SRRM1: variants seen among roughly 807,000 people sequenced by gnomAD.
SRRM1 encodes the protein serine and arginine repetitive matrix 1.
SRRM1 carries 19 observed loss-of-function variants against 110.2 expected under a neutral mutation model. The ratio of observed to expected loss-of-function variants is 0.17; its 90% CI spans 0.12 to 0.25. The LOEUF is 0.25. Among genes scored for constraint, SRRM1 ranks in the 10% least tolerant of loss-of-function variants. SRRM1 has a pLI of 1.00. For synonymous variants in SRRM1, 443 were observed against 414.9 expected, an observed-to-expected ratio of 1.07 and a Z score of -0.82; for missense variants, 918 against 1,145.8, an observed-to-expected ratio of 0.80 and a Z score of 2.87.
chr1:24,666,282 C>T (rs372771878), intron 12 of SRRM1, among the ~76,000 whole-genome samples: 2 of 152,306 alleles, frequency 1.3e-5, no homozygotes, highest in East Asian at 1.9e-4. Flanking sequence ...TTACCCTTGT[C>T]ACAAGTAAAA....
chr1:24,663,441 G>A (rs1409894363), intron 12 of SRRM1, among the ~76,000 whole-genome samples: 1 of 152,080 alleles, frequency 6.6e-6, no homozygotes, highest in African/African-American at 2.4e-5. Context: ...ACCCTTATTT[G>A]AACTTAGATT....
At chr1:24,668,915 T>C in intron 13 of SRRM1, among the ~76,000 whole-genome samples, 1 of 152,208 alleles carries the variant, frequency 6.6e-6, no homozygotes, top group East Asian at 1.9e-4. Flanking sequence ...TTGTACTTAG[T>C]CCTGCAGACA....
intron 4 of SRRM1, among the ~76,000 whole-genome samples, chr1:24,649,385 C>G (rs1042245538): frequency 2.0e-5 from 3 of 152,254 alleles, no homozygotes; most frequent in Admixed American, 6.5e-5. Flanking sequence ...GTGGTGTGGT[C>G]TCTGCTCACT....
At chr1:24,661,435 TCC>T in intron 11 of SRRM1, 39 bp downstream of exon 11, 1 of 1,481,366 alleles carries the variant, frequency 6.8e-7, no homozygotes, top group Non-Finnish European at 9.3e-7. Flanking sequence ...TACCTGTATT[TCC>T]TATTAAAAAA....
intron 12 of SRRM1, among the ~76,000 whole-genome samples, chr1:24,665,451 C>T (rs1051686240): frequency 2.0e-4 from 30 of 150,782 alleles, no homozygotes; most frequent in African/African-American, 6.8e-4. Context: ...AAGAGGCTCA[C>T]GCCTGTAATC....
At chr1:24,666,946 A>C in intron 13 of SRRM1, 21 bp downstream of exon 13, 1 of 1,548,354 alleles carries the variant, frequency 6.5e-7, no homozygotes, top group South Asian at 1.2e-5. Context: ...AAATATGCTA[A>C]CTGGAGCATC....
rs1002338506 is a variant in SRRM1 at position 24,671,507 on chromosome 1, C to T, written c.2522C>T (p.Ala841Val). The T allele has an allele frequency of 1.2e-6, 2 of 1,612,914 alleles. No homozygotes were observed. Among genetic ancestry groups the T allele is most frequent in the African/African-American group, 2.7e-5 (2 of 74,806 alleles). ...HKKEKAVAAA[A>V]AAAVTPAAIA... is the part of the protein sequence containing the mutation. ...AAGGAAAAGGCTGTGGCTGCAGCTG[C>T]TGCAGCTGCTGTGACCCCTGCAGCC... Residue 841 changes from alanine (A) to valine (V), a missense_variant, in exon 16 of 17, where the codon GCT becomes GTT. Ala to Val is a moderately conservative substitution (Grantham distance 64). Around this residue, in one of 5 missense-constraint regions of SRRM1, gnomAD observed 62 missense variants for 127.6 expected, o/e 0.49. Coordinates refer to ENST00000323848, the MANE Select transcript of SRRM1 (RefSeq NM_005839.4).
chr1:24,643,597 T>G, intron 1 of SRRM1: 1 of 403,650 alleles, frequency 2.5e-6, no homozygotes, highest in Non-Finnish European at 4.3e-6. Flanking sequence ...GCGGCGGGAA[T>G]GGGCCGGGAT....
Position 24,650,082 on chromosome 1 carries a change from A to G in SRRM1, c.517A>G (p.Arg173Gly). Residue 173 changes from arginine (R) to glycine (G), a missense_variant, in exon 5 of 17, where the codon AGA becomes GGA. By Grantham distance (125) the Arg-to-Gly change is moderately radical. This residue lies in a region of SRRM1 where 456 missense variants were observed against 453.5 expected (regional missense o/e 1.01). Coordinates refer to ENST00000323848, the MANE Select transcript of SRRM1 (RefSeq NM_005839.4). The part of the protein sequence containing the change: ...REKRERSRSP[R>G]RRKSRSPSPR... Reference sequence around the variant, plus strand: ...AAAAAGGGAGCGGTCTCGTAGCCCAAGAAGGTATCATACAATAGATGCATA... The same window carrying G: ...AAAAAGGGAGCGGTCTCGTAGCCCAGGAAGGTATCATACAATAGATGCATA... 1.3e-6 allele frequency: 2 copies of G among 1,575,020 alleles called. No individual in the cohort carries two copies. The highest frequency in any genetic ancestry group is 1.7e-6 in the Non-Finnish European group (2 of 1,160,678).
Position 24,651,425 on chromosome 1 carries a change from C to G in SRRM1, c.538C>G (p.Pro180Ala). 6.2e-7 allele frequency: 1 copy of G among 1,613,988 alleles called. No homozygotes were observed. Among genetic ancestry groups the G allele is most frequent in the Non-Finnish European group, 8.5e-7 (1 of 1,179,932 alleles). Reference sequence around the variant, plus strand: ...TCATCCTAGACGCAAATCCAGATCTCCTTCCCCTAGAAGACGATCTTCCCC... The same window carrying G: ...TCATCCTAGACGCAAATCCAGATCTGCTTCCCCTAGAAGACGATCTTCCCC... ...RSPRRRKSRSPSPRRRSSPVR... is the reference protein window; with the variant it reads ...RSPRRRKSRSASPRRRSSPVR... Residue 180 changes from proline to alanine, a missense_variant, in exon 6 of 17, where the codon CCT becomes GCT. Pro to Ala is a conservative substitution (Grantham distance 27). Transcript: ENST00000323848.
Position 24,661,333 on chromosome 1 carries a change from G to C in SRRM1, c.1420G>C (p.Ala474Pro). 1 of 1,612,986 alleles carries C rather than the reference G, an allele frequency of 6.2e-7. No homozygotes were observed. Among genetic ancestry groups the C allele is most frequent in the Non-Finnish European group, 8.5e-7 (1 of 1,179,280 alleles). ...AGAAGAAGATAAAGGTGGCAAAATG[G>C]CTGCAGCAGATTCTGTGCAGCAGAG... is the stretch of plus-strand genomic sequence containing the variant. The part of the protein sequence containing the change: ...ESEEDKGGKM[A>P]AADSVQQRRQ... The change falls in exon 11 of 17, where the codon GCT becomes CCT. Residue 474 changes from alanine (A) to proline (P), a missense_variant. Coordinates refer to ENST00000323848, the MANE Select transcript of SRRM1 (RefSeq NM_005839.4).
chr1:24,670,452 TG>T (rs1672149517), intron 15 of SRRM1, 137 bp downstream of exon 15: 1 of 912,880 alleles, frequency 1.1e-6, no homozygotes, highest in South Asian at 1.9e-5. Context: ...CATCTGATCT[TG>T]GGCAGGTTTC....
chr1:24,663,605 G>C (rs1668336535), intron 12 of SRRM1, among the ~76,000 whole-genome samples: 1 of 152,010 alleles, frequency 6.6e-6, no homozygotes, highest in Admixed American at 6.6e-5. Flanking sequence ...TGACATTAGG[G>C]AGGGCAAGGA....
chr1:24,648,382 C>T (rs1557655020), intron 3 of SRRM1: 1 of 152,574 alleles, frequency 6.6e-6, no homozygotes, highest in South Asian at 2.1e-4. Context: ...GCATGCATAA[C>T]TTGTTAGTTT....
At chr1:24,660,888 C>G in intron 10 of SRRM1, 89 bp downstream of exon 10, 1 of 897,778 alleles carries the variant, frequency 1.1e-6, no homozygotes, top group Non-Finnish European at 1.7e-6. Context: ...TTTGGTCATC[C>G]CCTTCTGCTT....
At chr1:24,644,653 T>TA (rs1455444841) in intron 1 of SRRM1, among the ~76,000 whole-genome samples, 5 of 152,232 alleles carry the variant, frequency 3.3e-5, no homozygotes, top group Non-Finnish European at 7.3e-5. Flanking sequence ...AACAGTAAGA[T>TA]ACTTATTTTG....
At chr1:24,672,119 T>A (rs1248366699) in intron 16 of SRRM1, 63 bp from the exon 17 acceptor site, 13 of 1,289,986 alleles carry the variant, frequency 1.0e-5, no homozygotes, top group Non-Finnish European at 1.4e-5. Context: ...TTGATTCTGC[T>A]CTTTACTCGG....
chr1:24,650,243 C>CT (rs1318348803), intron 5 of SRRM1, among the ~76,000 whole-genome samples, 157 bp downstream of exon 5: 2 of 152,216 alleles, frequency 1.3e-5, no homozygotes, highest in African/African-American at 4.8e-5. Context: ...CTAAAGAAAT[C>CT]TGTCATATTT....
intron 12 of SRRM1, among the ~76,000 whole-genome samples, chr1:24,665,089 G>C (rs1328236324): frequency 6.6e-6 from 1 of 152,148 alleles, no homozygotes; most frequent in Non-Finnish European, 1.5e-5. Context: ...TTTAGAGATG[G>C]AGGAAGGATT....
Sources: gnomAD v4.1 joint callset for allele counts (sites outside exome capture counted in the v4.1 genomes callset) on GRCh38, gnomAD v4.1.1 for gene constraint, gnomAD v4.1.1 regional missense constraint, MANE v1.5 for transcripts, NCBI Gene and HGNC (gene_info 2026-07-23, HGNC 2026-07-21) for gene names.